The following KLF17 variants were observed in gnomAD, a reference collection of about 807,000 sequenced individuals.
KLF17 encodes the protein KLF transcription factor 17.
A neutral mutation model predicts 34.2 loss-of-function variants in KLF17; 31 were observed. That is an observed-to-expected ratio of 0.91 (90% confidence interval 0.68 to 1.22). KLF17 has a LOEUF of 1.22. Ranked by LOEUF, KLF17 falls within the 50% of genes most tolerant of loss-of-function variation. The pLI is 0.00. For synonymous variants in KLF17, 179 were observed against 186.7 expected (o/e 0.96, Z 0.34); for missense variants, 478 against 505.2 (o/e 0.95, Z 0.52).
chr1:44,045,771 G>A, the KLF17 span, among the ~76,000 whole-genome samples: 1 of 152,072 alleles, frequency 6.6e-6, no homozygotes, highest in Non-Finnish European at 1.5e-5. Flanking sequence ...ACACAACCCA[G>A]TGTTATCCCC....
At position 44,129,809 on chromosome 1, in the gene KLF17, C is replaced by A; in HGVS notation, c.538C>A (p.Pro180Thr). The A allele has an allele frequency of 1.2e-6, 2 of 1,614,200 alleles. No individual in the cohort carries two copies. Among genetic ancestry groups the A allele is most frequent in the African/African-American group, 1.3e-5 (1 of 75,054 alleles). Reference sequence around the variant, plus strand: ...CACTGGGAACCCTCCAGTGCCTTACCCTGGCCTCTCGACAGTACCTTCTGA... The same window carrying A: ...CACTGGGAACCCTCCAGTGCCTTACACTGGCCTCTCGACAGTACCTTCTGA... ...SHTGNPPVPY[P>T]GLSTVPSDET... The change falls in exon 2 of 4, where the codon CCT becomes ACT. Residue 180 changes from proline to threonine, a missense_variant. Transcript: ENST00000372299.
chr1:44,110,796 A>C, the KLF17 span, among the ~76,000 whole-genome samples: 1 of 152,032 alleles, frequency 6.6e-6, no homozygotes, highest in Admixed American at 6.6e-5. Flanking sequence ...GTATTATAGA[A>C]CCTAACTACT....
the KLF17 span, among the ~76,000 whole-genome samples, chr1:44,088,721 G>A: frequency 6.6e-6 from 1 of 152,146 alleles, no homozygotes; most frequent in Non-Finnish European, 1.5e-5. Context: ...TTGGTGGGGG[G>A]CACAATTTAG....
Position 44,134,764 on chromosome 1 carries a change from C to T in KLF17, c.*1527C>T, listed in dbSNP as rs2088150261. On this transcript the variant is annotated 3_prime_UTR_variant, in exon 4 of 4. Transcript: ENST00000372299. The stretch of plus-strand genomic sequence containing the variant: ...GAGAGGAAGGGACATAGCAGTATTT[C>T]AGGTGAGAGTCAAGGTGGCTTTGGC... The T allele has an allele frequency of 6.6e-6, 1 of 152,192 alleles. No homozygotes were observed. The highest frequency in any genetic ancestry group is 6.6e-5 in the Admixed American group (1 of 15,264). 9.4% of individuals were successfully genotyped at this position (152,192 alleles called of 1,614,324 possible).
rs1553171321 is a variant in KLF17, at chr1:44,124,495, A to ATATT, written c.82-4857_82-4856insATTT. On this transcript the variant is annotated intron_variant, in intron 1 of 3. Transcript: ENST00000372299. Reference sequence around the variant, plus strand: ...AGGCACGTGCCACCACACTTGGCTAATTTTTTTTTTTTTTTTTTTGAGATG... The same window carrying ATATT: ...AGGCACGTGCCACCACACTTGGCTAATATTTTTTTTTTTTTTTTTTTTTGAGATG... 4.5e-3 allele frequency among the ~76,000 whole-genome samples: 511 copies of ATATT among 112,364 alleles called. 4 individuals carry two copies. The highest frequency in any genetic ancestry group is 0.018 in the African/African-American group (492 of 27,980). 73.7% of individuals were successfully genotyped at this position (112,364 alleles called of 152,430 possible). A position where few individuals can be genotyped will look rare whatever the true frequency, so the allele number is the denominator to read the frequency against.
chr1:44,061,887 T>C, the KLF17 span, among the ~76,000 whole-genome samples: 2 of 152,192 alleles, frequency 1.3e-5, no homozygotes, highest in South Asian at 2.1e-4. Flanking sequence ...CACAGCACTC[T>C]AGCCTGGGTG....
chr1:44,055,197 G>A, the KLF17 span, among the ~76,000 whole-genome samples: 2 of 152,196 alleles, frequency 1.3e-5, no homozygotes, highest in South Asian at 2.1e-4. Flanking sequence ...TGGGGCCTGC[G>A]GTCCTCTACA....
chr1:44,096,677 G>A, the KLF17 span, among the ~76,000 whole-genome samples: 7 of 151,912 alleles, frequency 4.6e-5, no homozygotes, highest in South Asian at 8.3e-4. Flanking sequence ...TGGGATTACA[G>A]GCATGAGCCA....
Position 44,135,128 on chromosome 1 carries a change from A to AAG in KLF17, c.*1891_*1892insAG, listed in dbSNP as rs2088153581. ...TGACCTTGTCTCTGTAAAAAATAAA[A>AAG]TTAAAAGAAAAAGAAGGGAAAGTGA... On this transcript the variant is annotated 3_prime_UTR_variant, in exon 4 of 4. Coordinates refer to ENST00000372299, the MANE Select transcript of KLF17 (RefSeq NM_173484.4). 1 of 152,172 alleles carries AAG rather than the reference A, an allele frequency of 6.6e-6. No homozygotes were observed. Among genetic ancestry groups the AAG allele is most frequent in the South Asian group, 2.1e-4 (1 of 4,832 alleles). The allele number at this position is 152,172 out of a possible 1,614,324, so 9.4% of individuals were successfully genotyped here.
the KLF17 span, among the ~76,000 whole-genome samples, chr1:44,090,145 G>A: frequency 0.027 from 3,539 of 131,930 alleles, 64 homozygotes; most frequent in South Asian, 0.038. Context: ...AAAAAAAAAA[G>A]AGAGAGAGAC....
the KLF17 span, chr1:44,104,742 G>A: frequency 4.6e-5 from 14 of 302,560 alleles, no homozygotes; most frequent in South Asian, 6.1e-4. Flanking sequence ...TAACCCTGTT[G>A]TTCATCAATA....
chr1:44,067,899 G>A, the KLF17 span, among the ~76,000 whole-genome samples: 1 of 152,106 alleles, frequency 6.6e-6, no homozygotes, highest in East Asian at 1.9e-4. Flanking sequence ...GAGCAGAACC[G>A]AGAGGGTCTG....
intron 1 of KLF17, chr1:44,122,434 C>T (rs2087958651): frequency 2.1e-6 from 3 of 1,397,948 alleles, no homozygotes; most frequent in East Asian, 4.6e-5. Flanking sequence ...GTGACTGTTC[C>T]ATGGACCTGT....
the KLF17 span, chr1:44,104,283 T>G: frequency 1.8e-6 from 2 of 1,084,976 alleles, no homozygotes; most frequent in Non-Finnish European, 2.4e-6. Flanking sequence ...GTTGCCAAGC[T>G]CCGTCTCCAG....
At chr1:44,098,655 A>G in the KLF17 span, among the ~76,000 whole-genome samples, 1 of 144,528 alleles carries the variant, frequency 6.9e-6, no homozygotes, top group African/African-American at 2.6e-5. Flanking sequence ...GGTTCACGCC[A>G]TTCTCCTGCC....
chr1:44,073,113 A>G, the KLF17 span, among the ~76,000 whole-genome samples: 2 of 152,172 alleles, frequency 1.3e-5, no homozygotes, highest in East Asian at 1.9e-4. Context: ...TGGGTAGACA[A>G]TTCTTTCAAG....
the KLF17 span, among the ~76,000 whole-genome samples, chr1:44,046,528 T>TAC: frequency 0.014 from 1,190 of 85,108 alleles, 22 homozygotes; most frequent in African/African-American, 0.049. Flanking sequence ...ACCTAAGCAC[T>TAC]ACACACACAC....
At chr1:44,082,441 A>C in the KLF17 span, among the ~76,000 whole-genome samples, 1 of 151,886 alleles carries the variant, frequency 6.6e-6, no homozygotes, top group Non-Finnish European at 1.5e-5. Flanking sequence ...TACACCGGGG[A>C]CTGTGTGCAT....
chr1:44,096,438 G>A, the KLF17 span, among the ~76,000 whole-genome samples: 7 of 142,054 alleles, frequency 4.9e-5, no homozygotes, highest in Middle Eastern at 3.5e-3. Context: ...TCGCTCTGTC[G>A]CCCAGGCTGG....
Sources: allele counts gnomAD v4.1 joint callset (sites outside exome capture counted in the v4.1 genomes callset), GRCh38; gene constraint gnomAD v4.1.1; transcripts MANE v1.5; gene names NCBI Gene and HGNC (gene_info 2026-07-23, HGNC 2026-07-21).